C17orf67: variants seen among roughly 807,000 people sequenced by gnomAD.
C17orf67 encodes the protein uncharacterized protein C17orf67.
C17orf67 carries 12 observed loss-of-function variants against 11.2 expected under a neutral mutation model. The observed-to-expected ratio is 1.07, with a 90% CI of 0.68 to 1.73. The LOEUF (loss-of-function observed/expected upper bound fraction) is 1.73, where lower values mean the gene tolerates loss of function less well. Ranked by LOEUF, C17orf67 falls within the 40% of genes most tolerant of loss-of-function variation. The pLI is 0.00. For synonymous variants in C17orf67, 59 were observed against 46.9 expected, an observed-to-expected ratio of 1.26 and a Z score of -1.05; for missense variants, 115 against 113.5, an observed-to-expected ratio of 1.01 and a Z score of -0.06.
At chr17:56,793,098 A>G (rs1207110360) in intron 7 of C17orf67, among the ~76,000 whole-genome samples, 1 of 151,890 alleles carries the variant, frequency 6.6e-6, no homozygotes, top group East Asian at 1.9e-4. Flanking sequence ...AAGAACAAAC[A>G]CCATCCAGCT....
chr17:56,827,506 G>A (rs1460594648), intron 2 of C17orf67, among the ~76,000 whole-genome samples: 1 of 152,230 alleles, frequency 6.6e-6, no homozygotes, highest in Admixed American at 6.5e-5. Context: ...CCCAGGGCAA[G>A]GTTCTCAGAG....
rs965433396 is a variant in C17orf67, at chr17:56,829,274, T to A, written c.-557+3624A>T. ...CTGGGCAACAAGAGCAAGACTCCAT[T>A]GCAAAAAAATAAAATAAAATAAAAA... is the stretch of plus-strand genomic sequence containing the variant. On this transcript the variant is annotated intron_variant, in intron 2 of 7. Transcript: ENST00000397861. Among the ~76,000 whole-genome samples the A allele has an allele frequency of 1.1e-4, 16 of 151,560 alleles. No individual in the cohort carries two copies. The East Asian group carries it at 3.1e-3, about 29-fold the overall frequency.
At chr17:56,826,499 C>T (rs551646827) in intron 2 of C17orf67, among the ~76,000 whole-genome samples, 20 of 152,322 alleles carry the variant, frequency 1.3e-4, no homozygotes, top group African/African-American at 4.3e-4. Flanking sequence ...CCATCTAACA[C>T]TCCTCCCACT....
chr17:56,823,958 T>A (rs967526510), intron 4 of C17orf67, among the ~76,000 whole-genome samples: 1 of 152,248 alleles, frequency 6.6e-6, no homozygotes, highest in African/African-American at 2.4e-5. Context: ...GAAGTCAGTC[T>A]AAGGACAGGC....
chr17:56,806,119 T>C (rs1361557396), intron 6 of C17orf67, among the ~76,000 whole-genome samples: 1 of 151,648 alleles, frequency 6.6e-6, no homozygotes. Flanking sequence ...GGACTACAGG[T>C]ACCCACCACC....
At chr17:56,796,162 G>A (rs536498263) in intron 6 of C17orf67, among the ~76,000 whole-genome samples, 3 of 152,246 alleles carry the variant, frequency 2.0e-5, no homozygotes, top group South Asian at 2.1e-4. Context: ...ATTACCATTC[G>A]TACTCCTGGC....
chr17:56,805,650 T>G (rs535833653), intron 6 of C17orf67, among the ~76,000 whole-genome samples: 1 of 152,334 alleles, frequency 6.6e-6, no homozygotes, highest in South Asian at 2.1e-4. Flanking sequence ...ATTCTGATTC[T>G]TGGACCTAGT....
intron 4 of C17orf67, among the ~76,000 whole-genome samples, chr17:56,821,278 A>G (rs116317776): frequency 6.6e-6 from 1 of 152,318 alleles, no homozygotes; most frequent in South Asian, 2.1e-4. Flanking sequence ...GGTAAATTAA[A>G]TAAATTCTAA....
chr17:56,795,430 A>C (rs72837334), intron 6 of C17orf67: 66,422 of 500,668 alleles, frequency 0.13, 4,934 homozygotes, highest in South Asian at 0.16. Flanking sequence ...ATGGGACAAC[A>C]ACTTCAGAAA....
At position 56,792,142 on chromosome 17, in the gene C17orf67, A is replaced by C. The variant is rs914201517; in HGVS notation, c.*231T>G. The C allele has an allele frequency of 1.3e-5, 2 of 152,138 alleles. No individual in the cohort carries two copies. Among genetic ancestry groups the C allele is most frequent in the African/African-American group, 4.8e-5 (2 of 41,424 alleles). The allele number at this position is 152,138 out of a possible 1,614,324, so 9.4% of individuals were successfully genotyped here. On this transcript the variant is annotated 3_prime_UTR_variant, in exon 8 of 8. Coordinates refer to ENST00000397861, the MANE Select transcript of C17orf67 (RefSeq NM_001085430.4). ...GCAAACTGATGGGAAGACCTTTGGG[A>C]GGTGTCTATGCTTTAAGCTATTGGT...
chr17:56,830,887 G>T (rs1458092938), intron 2 of C17orf67, among the ~76,000 whole-genome samples: 1 of 152,162 alleles, frequency 6.6e-6, no homozygotes, highest in South Asian at 2.1e-4. Context: ...CCTGGGCAAC[G>T]AAGACATAGG....
At chr17:56,826,715 G>A (rs1036219006) in intron 2 of C17orf67, among the ~76,000 whole-genome samples, 4 of 152,178 alleles carry the variant, frequency 2.6e-5, no homozygotes, top group African/African-American at 9.7e-5. Context: ...AGCAGAATAA[G>A]AGAAAGTCTT....
In C17orf67 at chr17:56,795,145, G is replaced by C. The variant is rs180749332; in HGVS notation, c.192C>G (p.Arg64=). The C allele has an allele frequency of 1.2e-6, 2 of 1,614,180 alleles. No individual in the cohort carries two copies. The highest frequency in any genetic ancestry group is 1.7e-6 in the Non-Finnish European group (2 of 1,180,026). Residue 64 remains arginine (R), a synonymous_variant, in exon 7 of 8, where the codon CGC becomes CGG. Transcript: ENST00000397861. The part of the protein sequence containing the change: ...YMHHLLALEH[R]AEEQFLEHWL... ...AGTGCTCCAGGAACTGCTCCTCAGC[G>C]CGATGCTCCAGGGCGAGCAGGTGGT... is the stretch of plus-strand genomic sequence containing the variant.
intron 7 of C17orf67, among the ~76,000 whole-genome samples, chr17:56,794,492 G>A (rs952658776): frequency 2.6e-5 from 4 of 152,098 alleles, no homozygotes; most frequent in Admixed American, 6.5e-5. Context: ...CATGCAGGGT[G>A]TGGGGGGAAA....
intron 4 of C17orf67, among the ~76,000 whole-genome samples, chr17:56,820,409 C>A (rs1240762533): frequency 6.6e-6 from 1 of 152,172 alleles, no homozygotes; most frequent in Non-Finnish European, 1.5e-5. Context: ...GGAGAAGACA[C>A]CATTCCATCG....
At chr17:56,823,247 T>C (rs1166634810) in intron 4 of C17orf67, among the ~76,000 whole-genome samples, 1 of 152,132 alleles carries the variant, frequency 6.6e-6, no homozygotes, top group African/African-American at 2.4e-5. Context: ...ACTGTGTCAC[T>C]TTTCTTGGTG....
intron 4 of C17orf67, among the ~76,000 whole-genome samples, chr17:56,817,345 C>T (rs915522648): frequency 6.6e-6 from 1 of 151,974 alleles, no homozygotes; most frequent in Non-Finnish European, 1.5e-5. Context: ...GAATGTGCTG[C>T]CCACACAGTC....
chr17:56,818,502 A>C (rs1374247710), intron 4 of C17orf67, among the ~76,000 whole-genome samples: 1 of 152,202 alleles, frequency 6.6e-6, no homozygotes, highest in Non-Finnish European at 1.5e-5. Flanking sequence ...TCAAGTCTGG[A>C]CAACAGAACA....
rs1034178465 is a variant in C17orf67, at chr17:56,795,174, T to G, written c.163A>C (p.Met55Leu). 1 of 1,614,032 alleles carries G rather than the reference T, an allele frequency of 6.2e-7. No individual in the cohort carries two copies. Among genetic ancestry groups the G allele is most frequent in the Non-Finnish European group, 8.5e-7 (1 of 1,180,010 alleles). ...TGCTCCAGGGCGAGCAGGTGGTGCA[T>G]GTATTCCTGTCAAAACAAACCACAC... The part of the protein sequence containing the change: ...GFPDEPMREY[M>L]HHLLALEHRA... The change falls in exon 7 of 8, where the codon ATG (methionine) becomes CTG (leucine). Residue 55 changes from methionine (M) to leucine (L), a missense_variant. Transcript: ENST00000397861.
Sources: allele counts gnomAD v4.1 joint callset (sites outside exome capture counted in the v4.1 genomes callset), GRCh38; gene constraint gnomAD v4.1.1; transcripts MANE v1.5; gene names NCBI Gene and HGNC (gene_info 2026-07-23, HGNC 2026-07-21).